CTBP2: variants seen among roughly 807,000 people sequenced by gnomAD.
The protein encoded by CTBP2 is C-terminal binding protein 2.
CTBP2 carries 30 observed loss-of-function variants against 80.3 expected under a neutral mutation model. The observed-to-expected ratio is 0.37, with a 90% CI of 0.28 to 0.51. The LOEUF (loss-of-function observed/expected upper bound fraction) is 0.51. CTBP2 is among the 20% of genes least tolerant of loss of function. The pLI, the probability that CTBP2 is intolerant of heterozygous loss-of-function variation, is 0.93. For synonymous variants in CTBP2, 594 were observed against 587.4 expected (o/e 1.01, Z -0.16); for missense variants, 1,212 against 1,375.3 (o/e 0.88, Z 1.88).
chr10:125,148,790 G>A (rs891360025), intron 1 of CTBP2, among the ~76,000 whole-genome samples: 5 of 152,218 alleles, frequency 3.3e-5, no homozygotes, highest in Admixed American at 1.3e-4. Context: ...AGACATCACT[G>A]CAGACACAAT....
chr10:125,026,507 G>A lies in CTBP2; in HGVS notation c.1253C>T (p.Ala418Val). The change falls in exon 1 of 9, where the codon GCA becomes GTA. Residue 418 changes from alanine (A) to valine (V), a missense_variant. Ala to Val is a moderately conservative substitution (Grantham distance 64). Coordinates refer to ENST00000309035, the MANE Select transcript of CTBP2 (RefSeq NM_022802.3). ...CACGCCAGGGGCAGAATAGGTGGCT[G>A]CCGTCTCCAGGAGGTGCTGAGATGG... 1 of 1,597,894 alleles carries A rather than the reference G, an allele frequency of 6.3e-7. No homozygotes were observed. Among genetic ancestry groups the A allele is most frequent in the Non-Finnish European group, 8.5e-7 (1 of 1,170,660 alleles).
At chr10:125,124,451 G>C (rs1854878080) in intron 1 of CTBP2, among the ~76,000 whole-genome samples, 2 of 126,354 alleles carry the variant, frequency 1.6e-5, no homozygotes, top group African/African-American at 6.6e-5. Context: ...TTTACTATCT[G>C]TCAGCAACAA....
upstream of CTBP2, among the ~76,000 whole-genome samples, chr10:125,032,041 T>C (rs898068844): frequency 1.6e-4 from 25 of 152,030 alleles, no homozygotes; most frequent in Non-Finnish European, 3.2e-4. Flanking sequence ...CCACTCATTA[T>C]GGGGTTTCAA....
In CTBP2 at chr10:124,994,566, G is replaced by T; in HGVS notation, c.2303C>A (p.Thr768Asn). 1 of 1,614,000 alleles carries T rather than the reference G, an allele frequency of 6.2e-7. No homozygotes were observed. Among genetic ancestry groups the T allele is most frequent in the Admixed American group, 1.7e-5 (1 of 60,022 alleles). ...GCTCTGATACAGCAAATCCTGCAGG[G>T]TGTAGACCCTCTGCACGCCCAGGGA... The change falls in exon 5 of 9, where the codon ACC becomes AAC. Residue 768 changes from threonine to asparagine, a missense_variant. This residue lies in a region of CTBP2 where 335 missense variants were observed against 504.7 expected (regional missense o/e 0.66). Transcript: ENST00000309035.
intron 1 of CTBP2, among the ~76,000 whole-genome samples, chr10:125,124,955 C>A (rs1854978658): frequency 6.6e-6 from 1 of 152,180 alleles, no homozygotes; most frequent in African/African-American, 2.4e-5. Context: ...AAGTATCGCC[C>A]TCTGCCCCCT....
intron 1 of CTBP2, among the ~76,000 whole-genome samples, chr10:125,119,518 A>G (rs1853953883): frequency 6.6e-6 from 1 of 152,260 alleles, no homozygotes; most frequent in African/African-American, 2.4e-5. Flanking sequence ...TGTATTTACT[A>G]AAAGTATTTC....
At chr10:125,005,313 C>T (rs1017100109) in intron 1 of CTBP2, among the ~76,000 whole-genome samples, 1 of 152,074 alleles carries the variant, frequency 6.6e-6, no homozygotes, top group African/African-American at 2.4e-5. Context: ...TCTCCTGCCA[C>T]CCCCGGCTGG....
intron 1 of CTBP2, among the ~76,000 whole-genome samples, chr10:125,111,647 T>C (rs747650936): frequency 5.9e-5 from 9 of 152,236 alleles, no homozygotes; most frequent in African/African-American, 2.4e-5. Context: ...TAATGTTCAA[T>C]AAAATTGCAC....
chr10:125,033,414 G>A (rs1332238931), intron 3 of CTBP2, among the ~76,000 whole-genome samples: 2 of 152,002 alleles, frequency 1.3e-5, no homozygotes, highest in African/African-American at 4.8e-5. Context: ...AGTAGCAAGC[G>A]AGCCAAGTGG....
chr10:125,068,736 G>A (rs1006971698), intron 2 of CTBP2, among the ~76,000 whole-genome samples: 6 of 152,206 alleles, frequency 3.9e-5, no homozygotes, highest in Admixed American at 1.3e-4. Flanking sequence ...ATGCAGAGGG[G>A]TTTCTGAGCA....
intron 1 of CTBP2, among the ~76,000 whole-genome samples, chr10:125,147,813 C>T (rs1296296184): frequency 2.0e-5 from 3 of 152,078 alleles, no homozygotes; most frequent in Non-Finnish European, 4.4e-5. Context: ...GGGAAAATTG[C>T]TTGAACCCGG....
chr10:125,100,718 A>T (rs1850485849), intron 2 of CTBP2: 1 of 152,222 alleles, frequency 6.6e-6, no homozygotes, highest in Non-Finnish European at 1.5e-5. Context: ...ATAGATGCAG[A>T]GTTGTCCTTC....
At chr10:125,091,019 T>C (rs995563642) in intron 2 of CTBP2, among the ~76,000 whole-genome samples, 2 of 152,192 alleles carry the variant, frequency 1.3e-5, no homozygotes, top group African/African-American at 2.4e-5. Flanking sequence ...GAGGCAGGAA[T>C]TGAGCCCAGG....
intron 2 of CTBP2, among the ~76,000 whole-genome samples, chr10:125,071,590 T>C (rs1465039943): frequency 6.6e-6 from 1 of 152,140 alleles, no homozygotes; most frequent in Non-Finnish European, 1.5e-5. Flanking sequence ...ACAGAGCTAA[T>C]GGTGATGACA....
rs780069316 is a variant in CTBP2 at position 124,993,189 on chromosome 10, CG to C, written c.2659+12del. 1.1e-5 allele frequency: 17 copies of C among 1,587,086 alleles called. No individual in the cohort carries two copies. The South Asian group carries it at 1.8e-4, about 17-fold the overall frequency. On this transcript the variant is annotated intron_variant, in intron 7 of 8. Transcript: ENST00000309035. ...GGCTGCCCTTGGCAGGCCAGAGGCACGGAGGGGCTCACCTGTGATGGCTCGG... is the reference window on the plus strand; with the variant it reads ...GGCTGCCCTTGGCAGGCCAGAGGCACGAGGGGCTCACCTGTGATGGCTCGG...
At chr10:125,132,109 T>C (rs1856281695) in intron 1 of CTBP2, among the ~76,000 whole-genome samples, 1 of 152,228 alleles carries the variant, frequency 6.6e-6, no homozygotes. Context: ...CCAACAACTC[T>C]AGAAATGCAA....
intron 2 of CTBP2, among the ~76,000 whole-genome samples, chr10:125,084,500 C>T (rs1200917331): frequency 2.0e-5 from 3 of 152,176 alleles, no homozygotes; most frequent in Non-Finnish European, 2.9e-5. Flanking sequence ...GAGGCTCCCG[C>T]CCAAACCTTC....
chr10:125,084,688 C>G (rs1847714501), intron 2 of CTBP2, among the ~76,000 whole-genome samples: 1 of 152,284 alleles, frequency 6.6e-6, no homozygotes, highest in South Asian at 2.1e-4. Context: ...CGTTCTGTGT[C>G]CCCTGGCAGA....
At chr10:125,134,343 C>T (rs1270537280) in intron 1 of CTBP2, among the ~76,000 whole-genome samples, 1 of 152,192 alleles carries the variant, frequency 6.6e-6, no homozygotes, top group African/African-American at 2.4e-5. Context: ...CCCCCCGCCC[C>T]GTGCCTTGCT....
Sources: allele counts gnomAD v4.1 joint callset (sites outside exome capture counted in the v4.1 genomes callset), GRCh38; gene constraint gnomAD v4.1.1; regional missense constraint gnomAD v4.1.1; transcripts MANE v1.5; gene names NCBI Gene and HGNC (gene_info 2026-07-23, HGNC 2026-07-21).